Variants in ASPH observed in about 807,000 individuals in gnomAD.
ASPH encodes the protein aspartate beta-hydroxylase, also known as aspartyl/asparaginyl beta-hydroxylase.
In ASPH, 100 loss-of-function variants were observed where a neutral mutation model predicts 118.4. The ratio of observed to expected loss-of-function variants is 0.84; its 90% CI spans 0.72 to 1.00. The LOEUF is 1.00. ASPH is among the 50% of genes least tolerant of loss of function. The pLI, the probability that ASPH is intolerant of heterozygous loss-of-function variation, is 0.00. For missense variants in ASPH, 920 were observed against 919.5 expected (o/e 1.00, Z -0.01); for synonymous variants, 315 against 325.6 (o/e 0.97, Z 0.35).
intron 3 of ASPH, chr8:61,656,480 C>T (rs1238952718): frequency 1.3e-5 from 2 of 152,174 alleles, no homozygotes; most frequent in African/African-American, 4.8e-5. Context: ...CCAGAAGCTA[C>T]CAGCAGTCTC....
Position 61,626,027 on chromosome 8 carries a change from A to C in ASPH, c.935-7008T>G, listed in dbSNP as rs1447530783. On this transcript the variant is annotated intron_variant, in intron 13 of 24. Transcript: ENST00000379454. ...AAGAAAAAAGAAATCCAATGGATCC[A>C]CTAATGCTATCAAAAGGGACATGCA... 3 of 1,223,256 alleles carry C rather than the reference A, an allele frequency of 2.5e-6. No homozygotes were observed. The African/African-American group carries it at 4.7e-5, about 19-fold the overall frequency. 75.8% of individuals were successfully genotyped at this position (1,223,256 alleles called of 1,614,324 possible). A position where few individuals can be genotyped will look rare whatever the true frequency, so the allele number is the denominator to read the frequency against.
At chr8:61,601,139 T>A (rs955785594) in intron 14 of ASPH, among the ~76,000 whole-genome samples, 1 of 151,186 alleles carries the variant, frequency 6.6e-6, no homozygotes, top group African/African-American at 2.5e-5. Flanking sequence ...AAATCCACAA[T>A]TCCATCAGAG....
intron 18 of ASPH, among the ~76,000 whole-genome samples, chr8:61,558,191 G>A (rs1828556944): frequency 6.6e-6 from 1 of 152,168 alleles, no homozygotes; most frequent in Non-Finnish European, 1.5e-5. Flanking sequence ...AAGCATGCAG[G>A]GGTTATATAA....
At chr8:61,679,645 A>C (rs901381662) in intron 3 of ASPH, among the ~76,000 whole-genome samples, 1 of 151,890 alleles carries the variant, frequency 6.6e-6, no homozygotes, top group African/African-American at 2.4e-5. Context: ...CCCACATTTT[A>C]TTTTATCTTT....
chr8:61,690,377 G>C (rs932087308), intron 1 of ASPH, among the ~76,000 whole-genome samples: 2 of 152,174 alleles, frequency 1.3e-5, no homozygotes, highest in African/African-American at 4.8e-5. Flanking sequence ...TGGTGGGAAG[G>C]AAAGAAATAG....
intron 15 of ASPH, among the ~76,000 whole-genome samples, chr8:61,581,868 T>C (rs1234265701): frequency 1.3e-5 from 2 of 152,200 alleles, no homozygotes; most frequent in African/African-American, 4.8e-5. Flanking sequence ...GCATTTTAAA[T>C]AATAAATATT....
At chr8:61,578,480 G>A (rs1199221889) in intron 15 of ASPH, 76 of 1,592,860 alleles carry the variant, frequency 4.8e-5, no homozygotes, top group Non-Finnish European at 6.1e-5. Flanking sequence ...TCCAGGCTGT[G>A]TGCACCCAGG....
chr8:61,664,492 G>A (rs1818486785), intron 3 of ASPH: 3 of 984,574 alleles, frequency 3.0e-6, no homozygotes, highest in African/African-American at 3.5e-5. Flanking sequence ...ACAGTTCTCG[G>A]AGCAGTGTAT....
intron 16 of ASPH, among the ~76,000 whole-genome samples, chr8:61,569,288 G>C (rs1029551983): frequency 6.6e-6 from 1 of 152,190 alleles, no homozygotes; most frequent in African/African-American, 2.4e-5. Context: ...TATCTCATCA[G>C]ATTTAGGAGG....
intron 13 of ASPH, among the ~76,000 whole-genome samples, chr8:61,619,574 G>C (rs1175266144): frequency 1.3e-5 from 2 of 152,128 alleles, no homozygotes. Context: ...GACCCCACCT[G>C]TGTCAGATGC....
chr8:61,602,762 G>T (rs1408893147), intron 14 of ASPH, among the ~76,000 whole-genome samples: 8 of 148,760 alleles, frequency 5.4e-5, no homozygotes. Context: ...TTTGGTGAGG[G>T]TTTTACAGTT....
chr8:61,651,402 G>C (rs1037492074), intron 4 of ASPH: 2 of 300,920 alleles, frequency 6.6e-6, no homozygotes, highest in Non-Finnish European at 1.2e-5. Context: ...TTAAAAAAGA[G>C]CCTTATTAAA....
At chr8:61,686,127 T>C (rs1830421543) in intron 1 of ASPH, among the ~76,000 whole-genome samples, 1 of 152,184 alleles carries the variant, frequency 6.6e-6, no homozygotes, top group South Asian at 2.1e-4. Flanking sequence ...AATAATATGG[T>C]AAATTCATAA....
rs561489949 is a variant in ASPH at position 61,610,620 on chromosome 8, G to A, written c.976+8358C>T. 1.7e-3 allele frequency among the ~76,000 whole-genome samples: 261 copies of A among 152,300 alleles called. 1 individual carries two copies. Among genetic ancestry groups the A allele is most frequent in the African/African-American group, 6.0e-3 (250 of 41,576 alleles). The stretch of plus-strand genomic sequence containing the variant: ...AGTTATCTCATAATCTCTTTTCACA[G>A]CTGCAAGGGTGGACGGGAGACTGTT... On this transcript the variant is annotated intron_variant, in intron 14 of 24. Coordinates refer to ENST00000379454, the MANE Select transcript of ASPH (RefSeq NM_004318.4).
intron 1 of ASPH, among the ~76,000 whole-genome samples, chr8:61,713,279 T>G (rs1050757813): frequency 1.3e-5 from 2 of 152,240 alleles, no homozygotes; most frequent in Middle Eastern, 3.2e-3. Flanking sequence ...TTCTAGGAGC[T>G]GGGGATACAG....
At chr8:61,660,970 AG>A (rs1291029158) in intron 3 of ASPH, 2 of 152,184 alleles carry the variant, frequency 1.3e-5, no homozygotes, top group Non-Finnish European at 2.9e-5. Context: ...GCTGGTTATT[AG>A]GCTTCTCGAT....
At position 61,521,254 on chromosome 8, in the gene ASPH, T is replaced by C. The variant is rs147609616; in HGVS notation, c.1901-3131A>G. Among the ~76,000 whole-genome samples, 89 of 152,350 alleles carry C rather than the reference T, an allele frequency of 5.8e-4. 2 individuals carry two copies. The highest frequency in any genetic ancestry group is 3.9e-3 in the South Asian group (19 of 4,830). On this transcript the variant is annotated intron_variant, in intron 22 of 24. Coordinates refer to ENST00000379454, the MANE Select transcript of ASPH (RefSeq NM_004318.4). ...AATTCAGCCAGACTGGACCCAGTGTTCATGCTCTTAACCAGACCAGAGACC... is the reference window on the plus strand; with the variant it reads ...AATTCAGCCAGACTGGACCCAGTGTCCATGCTCTTAACCAGACCAGAGACC...
intron 18 of ASPH, among the ~76,000 whole-genome samples, chr8:61,558,192 G>T (rs1318339956): frequency 6.6e-6 from 1 of 152,174 alleles, no homozygotes; most frequent in Non-Finnish European, 1.5e-5. Flanking sequence ...AGCATGCAGG[G>T]GTTATATAAG....
At chr8:61,565,590 C>T (rs926312055) in intron 17 of ASPH, among the ~76,000 whole-genome samples, 3 of 148,712 alleles carry the variant, frequency 2.0e-5, no homozygotes, top group Admixed American at 2.0e-4. Context: ...AATGTAGAAG[C>T]TGTAGCAAGT....
Sources: gnomAD v4.1 joint callset for allele counts (sites outside exome capture counted in the v4.1 genomes callset) on GRCh38, gnomAD v4.1.1 for gene constraint, MANE v1.5 for transcripts, NCBI Gene and HGNC (gene_info 2026-07-23, HGNC 2026-07-21) for gene names.